SKI: variants seen among roughly 807,000 people sequenced by gnomAD.
SKI encodes the protein SKI proto-oncogene.
SKI carries 23 observed loss-of-function variants against 59.3 expected under a neutral mutation model. That is an observed-to-expected ratio of 0.39 (90% CI 0.28 to 0.55). SKI has a LOEUF of 0.55. Ranked by LOEUF, SKI falls within the 20% of genes least tolerant of loss-of-function variation. SKI has a pLI of 0.67. For missense variants in SKI, 1,017 were observed against 1,038.9 expected, an observed-to-expected ratio of 0.98 and a Z score of 0.29; for synonymous variants, 673 against 488.6, an observed-to-expected ratio of 1.38 and a Z score of -4.98.
At chr1:2,240,560 C>T in intron 1 of SKI, 2 of 985,370 alleles carry the variant, frequency 2.0e-6, no homozygotes, top group Non-Finnish European at 2.4e-6. Context: ...CTTCCTGGGG[C>T]CATCGAGGCT....
intron 1 of SKI, among the ~76,000 whole-genome samples, chr1:2,279,451 C>T (rs1050827949): frequency 1.3e-5 from 2 of 152,222 alleles, no homozygotes; most frequent in Non-Finnish European, 2.9e-5. Context: ...GGCCTCTCGC[C>T]TGTTCCCGCC....
chr1:2,236,327 TC>T (rs1319586541), intron 1 of SKI, among the ~76,000 whole-genome samples: 1 of 152,208 alleles, frequency 6.6e-6, no homozygotes, highest in Non-Finnish European at 1.5e-5. Context: ...TCAGTGGAAC[TC>T]TGCAGGCACT....
Position 2,254,002 on chromosome 1 carries a change from C to T in SKI, c.969+24267C>T, listed in dbSNP as rs528344959. ...CCCATCCTGGCTGTGTGGACCACGG[C>T]GGCAAGGGCCACGTGCCTGGTCGTC... is the stretch of plus-strand genomic sequence containing the variant. On this transcript the variant is annotated intron_variant, in intron 1 of 6. Transcript: ENST00000378536. 9.8e-5 allele frequency among the ~76,000 whole-genome samples: 15 copies of T among 152,342 alleles called. 1 individual carries two copies. In the South Asian group the frequency reaches 2.7e-3, roughly 27 times the overall value.
At chr1:2,286,312 A>T (rs539809478) in intron 1 of SKI, among the ~76,000 whole-genome samples, 1 of 152,080 alleles carries the variant, frequency 6.6e-6, no homozygotes, top group Non-Finnish European at 1.5e-5. Flanking sequence ...CCTGGGCAAC[A>T]TGGAGAAACC....
At position 2,229,020 on chromosome 1, in the gene SKI, T is replaced by C; in HGVS notation, c.254T>C (p.Val85Ala). Residue 85 changes from valine (V) to alanine (A), a missense_variant, in exon 1 of 7, where the codon GTG becomes GCG. Transcript: ENST00000378536. This position sits in a 1 kb window ranked among gnomAD's most constrained non-coding sequence, Gnocchi z 6.3. ...HLPAIQPPPP[V>A]LPGPFFMPSD... ...CCCGCCATCCAGCCGCCGCCGCCCG[T>C]GCTGCCCGGGCCCTTCTTCATGCCG... 6.3e-7 allele frequency: 1 copy of C among 1,593,588 alleles called. No individual in the cohort carries two copies. The highest frequency in any genetic ancestry group is 8.5e-7 in the Non-Finnish European group (1 of 1,176,092).
At chr1:2,240,605 A>AG in intron 1 of SKI, 4 of 985,474 alleles carry the variant, frequency 4.1e-6, no homozygotes, top group Non-Finnish European at 4.8e-6. Flanking sequence ...TTTAAGAAGC[A>AG]GAGTTCTCTT....
At chr1:2,262,642 G>A (rs1027538716) in intron 1 of SKI, among the ~76,000 whole-genome samples, 5 of 152,292 alleles carry the variant, frequency 3.3e-5, no homozygotes, top group East Asian at 3.9e-4. Context: ...TTGGGTTTTC[G>A]CCAGTGCCCT....
intron 1 of SKI, among the ~76,000 whole-genome samples, chr1:2,261,311 T>G (rs76982165): frequency 2.0e-5 from 3 of 152,376 alleles, no homozygotes; most frequent in Non-Finnish European, 4.4e-5. Context: ...TGTCAATTTC[T>G]GTGAACATTT....
At chr1:2,301,547 G>A (rs1640426122) in intron 1 of SKI, among the ~76,000 whole-genome samples, 1 of 151,918 alleles carries the variant, frequency 6.6e-6, no homozygotes, top group African/African-American at 2.4e-5. Context: ...ACGGGCTTTG[G>A]CCAGATCTTC....
chr1:2,259,242 G>A (rs1049461755), intron 1 of SKI, among the ~76,000 whole-genome samples: 2 of 152,238 alleles, frequency 1.3e-5, no homozygotes, highest in Non-Finnish European at 2.9e-5. Context: ...CAGAAAGGCT[G>A]AGTAGGTGCG....
At chr1:2,304,653 C>G in intron 5 of SKI, 68 bp downstream of exon 5, 4 of 1,485,206 alleles carry the variant, frequency 2.7e-6, no homozygotes, top group Non-Finnish European at 3.6e-6. Context: ...ACCAGGTGAA[C>G]GGGCACAGGT....
chr1:2,292,590 C>T lies in SKI; in HGVS notation c.970-10388C>T, dbSNP rs1387868341. On this transcript the variant is annotated intron_variant, in intron 1 of 6. Transcript: ENST00000378536. The stretch of plus-strand genomic sequence containing the variant: ...GCAGCTCTGATGGAGGGGTGTGTAC[C>T]TGGCCACAGCTGTCTCTGGGCTGTG... 3.3e-5 allele frequency among the ~76,000 whole-genome samples: 5 copies of T among 152,344 alleles called. No individual in the cohort carries two copies. The East Asian group carries it at 9.6e-4, about 29-fold the overall frequency.
At chr1:2,264,847 T>C (rs1639466601) in intron 1 of SKI, among the ~76,000 whole-genome samples, 1 of 151,972 alleles carries the variant, frequency 6.6e-6, no homozygotes, top group African/African-American at 2.4e-5. Flanking sequence ...AATCTCACTC[T>C]GTCACCCAGG....
At chr1:2,276,475 G>A (rs1294192486) in intron 1 of SKI, among the ~76,000 whole-genome samples, 1 of 152,250 alleles carries the variant, frequency 6.6e-6, no homozygotes, top group Non-Finnish European at 1.5e-5. Context: ...CCTGGGATTG[G>A]GGAGCCAGGG....
chr1:2,246,105 T>G (rs771990578), intron 1 of SKI, among the ~76,000 whole-genome samples: 1 of 152,218 alleles, frequency 6.6e-6, no homozygotes, highest in Non-Finnish European at 1.5e-5. Flanking sequence ...CCGTTTTTCT[T>G]TTTAAAGAAC....
chr1:2,244,736 A>G (rs1692588), intron 1 of SKI, among the ~76,000 whole-genome samples: 2,212 of 152,184 alleles, frequency 0.015, 48 homozygotes, highest in African/African-American at 0.051. Context: ...TGCATATTAC[A>G]TTTTCTTATT....
At chr1:2,236,394 C>T (rs2100801697) in intron 1 of SKI, among the ~76,000 whole-genome samples, 1 of 152,212 alleles carries the variant, frequency 6.6e-6, no homozygotes, top group South Asian at 2.1e-4. Context: ...AATGCTGTTT[C>T]TTTTCTCACT....
Position 2,262,169 on chromosome 1 carries a change from T to C in SKI, c.969+32434T>C, listed in dbSNP as rs866437645. Among the ~76,000 whole-genome samples the C allele has an allele frequency of 1.2e-4, 13 of 104,080 alleles. No individual in the cohort carries two copies. In the South Asian group the frequency reaches 1.5e-3, roughly 12 times the overall value. 68.3% of individuals were successfully genotyped at this position (104,080 alleles called of 152,430 possible). A position where few individuals can be genotyped will look rare whatever the true frequency, so the allele number is the denominator to read the frequency against. On this transcript the variant is annotated intron_variant, in intron 1 of 6. Transcript: ENST00000378536. ...TGGGAGTGGTGGGAGTGGACACCCT[T>C]GCTCCTGATCTCTTGATCTCCTAGT...
chr1:2,264,735 T>C (rs1639462841), intron 1 of SKI, among the ~76,000 whole-genome samples: 1 of 152,138 alleles, frequency 6.6e-6, no homozygotes, highest in Admixed American at 6.6e-5. Flanking sequence ...GTTGCTGTAC[T>C]GTGTTCCTGC....
Sources: gnomAD v4.1 joint callset for allele counts (sites outside exome capture counted in the v4.1 genomes callset) on GRCh38, gnomAD v4.1.1 for gene constraint, Gnocchi (gnomAD v3.1) non-coding constraint, MANE v1.5 for transcripts, NCBI Gene and HGNC (gene_info 2026-07-23, HGNC 2026-07-21) for gene names.